The following GLYATL2 variants were observed in gnomAD, a reference collection of about 807,000 sequenced individuals.
The protein encoded by GLYATL2 is glycine-N-acyltransferase like 2.
In GLYATL2, 25 loss-of-function variants were observed where a neutral mutation model predicts 21.4. The observed-to-expected ratio is 1.17, with a 90% CI of 0.85 to 1.63. The LOEUF (loss-of-function observed/expected upper bound fraction) is 1.63, where lower values mean the gene tolerates loss of function less well. Among genes scored for constraint, GLYATL2 ranks in the 40% most tolerant of loss-of-function variants. The probability of loss-of-function intolerance (pLI) is 0.00; values close to 1 mark genes in which losing one functional copy is unlikely to be tolerated. For synonymous variants in GLYATL2, 114 were observed against 118.2 expected, an observed-to-expected ratio of 0.96 and a Z score of 0.23; for missense variants, 361 against 343.3, an observed-to-expected ratio of 1.05 and a Z score of -0.41.
chr11:58,878,471 T>C (rs1305092929), intron 1 of GLYATL2: 7 of 246,682 alleles, frequency 2.8e-5, no homozygotes, highest in African/African-American at 6.8e-5. Context: ...GAAACTGGGT[T>C]TGGAGTTGCA....
At chr11:58,850,605 C>T (rs571397985) in intron 1 of GLYATL2, among the ~76,000 whole-genome samples, 53 of 152,128 alleles carry the variant, frequency 3.5e-4, no homozygotes, top group African/African-American at 1.2e-3. Flanking sequence ...TCTGTCATGC[C>T]CAGACAGGGC....
Position 58,864,284 on chromosome 11 carries a change from C to A in GLYATL2, n.61-25916G>T, listed in dbSNP as rs536556487. Among the ~76,000 whole-genome samples the A allele has an allele frequency of 5.7e-4, 87 of 152,198 alleles. 1 individual carries two copies. Among genetic ancestry groups the A allele is most frequent in the Non-Finnish European group, 9.9e-4 (67 of 68,000 alleles). On this transcript the variant is annotated intron_variant and non_coding_transcript_variant, in intron 1 of 4. Coordinates refer to the GLYATL2 transcript ENST00000533636. ...GTGGAGGCCATCATGATTCTGGGAGCAGTCTGGAGCATGAAGCCACTAGGG... is the reference window on the plus strand; with the variant it reads ...GTGGAGGCCATCATGATTCTGGGAGAAGTCTGGAGCATGAAGCCACTAGGG...
intron 1 of GLYATL2, among the ~76,000 whole-genome samples, chr11:58,852,193 G>C (rs1296023630): frequency 6.6e-6 from 1 of 152,184 alleles, no homozygotes; most frequent in Non-Finnish European, 1.5e-5. Context: ...TCTAAACTCA[G>C]TTCCCTTAAC....
At chr11:58,888,159 C>T (rs1295234050) in intron 1 of GLYATL2, among the ~76,000 whole-genome samples, 2 of 152,110 alleles carry the variant, frequency 1.3e-5, no homozygotes, top group African/African-American at 4.8e-5. Flanking sequence ...ACCATTTTTA[C>T]ACTGGGGTTT....
intron 1 of GLYATL2, among the ~76,000 whole-genome samples, chr11:58,852,231 C>G (rs1853754758): frequency 6.6e-6 from 1 of 152,172 alleles, no homozygotes; most frequent in African/African-American, 2.4e-5. Context: ...GTATGAGTCT[C>G]AATAAAAATT....
chr11:58,850,364 G>A (rs903392434), intron 1 of GLYATL2, among the ~76,000 whole-genome samples: 5 of 152,044 alleles, frequency 3.3e-5, no homozygotes, highest in Non-Finnish European at 4.4e-5. Flanking sequence ...CCGAGGGCAC[G>A]AGCTGTTCCA....
chr11:58,860,950 T>G (rs1415588778), intron 1 of GLYATL2, among the ~76,000 whole-genome samples: 1 of 152,078 alleles, frequency 6.6e-6, no homozygotes, highest in East Asian at 1.9e-4. Flanking sequence ...TAAAGCCCAC[T>G]GTATCATGAT....
intron 1 of GLYATL2, among the ~76,000 whole-genome samples, chr11:58,875,954 C>T (rs1854223108): frequency 6.6e-6 from 1 of 152,340 alleles, no homozygotes; most frequent in African/African-American, 2.4e-5. Flanking sequence ...GGTCTTTTCA[C>T]ATAGTCCCAT....
intron 1 of GLYATL2, among the ~76,000 whole-genome samples, chr11:58,887,518 C>T (rs1854464525): frequency 6.6e-6 from 1 of 152,116 alleles, no homozygotes; most frequent in Non-Finnish European, 1.5e-5. Flanking sequence ...TCTCCTCCCC[C>T]TCCTCTCCTC....
intron 1 of GLYATL2, among the ~76,000 whole-genome samples, chr11:58,887,316 C>T (rs561534831): frequency 6.6e-6 from 1 of 152,014 alleles, no homozygotes; most frequent in South Asian, 2.1e-4. Context: ...TAGTCTGATT[C>T]CATAGTATAC....
At chr11:58,841,316 C>T (rs746400445) in intron 1 of GLYATL2, among the ~76,000 whole-genome samples, 1 of 152,130 alleles carries the variant, frequency 6.6e-6, no homozygotes, top group Non-Finnish European at 1.5e-5. Flanking sequence ...AAAACTCCAC[C>T]CCTGGCTCCT....
chr11:58,861,526 A>T lies in GLYATL2; in HGVS notation n.61-23158T>A, dbSNP rs189716413. Reference sequence around the variant, plus strand: ...TTATCTTTTCAAAAGATCAAATTTCAGGGTTTTTCTTTAATGTTTTTATAG... The same window carrying T: ...TTATCTTTTCAAAAGATCAAATTTCTGGGTTTTTCTTTAATGTTTTTATAG... On this transcript the variant is annotated intron_variant and non_coding_transcript_variant, in intron 1 of 4. Coordinates refer to the GLYATL2 transcript ENST00000533636. 3.3e-5 allele frequency among the ~76,000 whole-genome samples: 5 copies of T among 151,666 alleles called. No individual in the cohort carries two copies. The East Asian group carries it at 9.7e-4, about 29-fold the overall frequency.
At chr11:58,871,205 T>A (rs1197330021) in intron 1 of GLYATL2, among the ~76,000 whole-genome samples, 3 of 152,152 alleles carry the variant, frequency 2.0e-5, no homozygotes, top group Admixed American at 6.5e-5. Flanking sequence ...TGTCTTGAGT[T>A]TGGAAAAGAG....
At chr11:58,838,497 T>G in intron 2 of GLYATL2, 129 bp from the exon 3 acceptor site, 1 of 577,982 alleles carries the variant, frequency 1.7e-6, no homozygotes, top group Non-Finnish European at 3.1e-6. Flanking sequence ...GATGGGCCAG[T>G]GCTTCCAGGA....
At chr11:58,853,883 T>C (rs1177251594) in intron 1 of GLYATL2, among the ~76,000 whole-genome samples, 1 of 152,210 alleles carries the variant, frequency 6.6e-6, no homozygotes, top group Non-Finnish European at 1.5e-5. Flanking sequence ...ATAGTCACCA[T>C]GCTGCACAAT....
intron 1 of GLYATL2, among the ~76,000 whole-genome samples, chr11:58,849,937 A>T (rs555455999): frequency 1.5e-4 from 23 of 152,306 alleles, no homozygotes; most frequent in African/African-American, 4.6e-4. Context: ...AAGTATAATT[A>T]AAAAAAGATA....
upstream of GLYATL2, among the ~76,000 whole-genome samples, chr11:58,848,148 G>A (rs1853676657): frequency 6.6e-6 from 1 of 152,012 alleles, no homozygotes; most frequent in Non-Finnish European, 1.5e-5. Flanking sequence ...ACTGGGCTTG[G>A]GATGCTCTCT....
chr11:58,874,582 C>T (rs1473424947), intron 1 of GLYATL2, among the ~76,000 whole-genome samples: 3 of 152,164 alleles, frequency 2.0e-5, no homozygotes, highest in African/African-American at 7.2e-5. Flanking sequence ...GTTCAGTTTC[C>T]ATGTAGTTGT....
rs374668688 is a variant in GLYATL2, at chr11:58,889,351, G to A, written n.60+14805C>T. ...CTGTACTCTGCAAACAAAGTAATTTGCTGCTTCTTTGCCAATATTTATATG... is the reference window on the plus strand; with the variant it reads ...CTGTACTCTGCAAACAAAGTAATTTACTGCTTCTTTGCCAATATTTATATG... On this transcript the variant is annotated intron_variant and non_coding_transcript_variant, in intron 1 of 4. Coordinates refer to the GLYATL2 transcript ENST00000533636. Among the ~76,000 whole-genome samples the A allele has an allele frequency of 5.7e-4, 86 of 151,914 alleles. 1 individual carries two copies. Among genetic ancestry groups the A allele is most frequent in the Middle Eastern group, 3.4e-3 (1 of 292 alleles).
Sources: gnomAD v4.1 joint callset for allele counts (sites outside exome capture counted in the v4.1 genomes callset) on GRCh38, gnomAD v4.1.1 for gene constraint, MANE v1.5 for transcripts, NCBI Gene and HGNC (gene_info 2026-07-23, HGNC 2026-07-21) for gene names.